Variants in EYS observed in about 807,000 individuals in gnomAD.
EYS encodes the protein EGF-like photoreceptor maintenance factor.
A neutral mutation model predicts 282.1 loss-of-function variants in EYS; 250 were observed. The ratio of observed to expected loss-of-function variants is 0.89; its 90% CI spans 0.80 to 0.98. The LOEUF is 0.98. Ranked by LOEUF, EYS falls within the 50% of genes least tolerant of loss-of-function variation. The probability of loss-of-function intolerance (pLI) is 0.00; values close to 1 mark genes in which losing one functional copy is unlikely to be tolerated. For missense variants in EYS, 4,016 were observed against 3,709.0 expected, an observed-to-expected ratio of 1.08 and a Z score of -2.15; for synonymous variants, 1,355 against 1,282.9, an observed-to-expected ratio of 1.06 and a Z score of -1.20.
intron 22 of EYS, among the ~76,000 whole-genome samples, chr6:64,706,339 G>T (rs1296198949): frequency 6.6e-6 from 1 of 152,024 alleles, no homozygotes; most frequent in African/African-American, 2.4e-5. Context: ...AGGACTTTAA[G>T]ATCTAACATT....
chr6:64,836,375 A>C (rs116379739), intron 19 of EYS, among the ~76,000 whole-genome samples: 2,478 of 151,410 alleles, frequency 0.016, 68 homozygotes, highest in African/African-American at 0.057. Context: ...TAATTTCAAA[A>C]TAATGGTTAT....
At chr6:65,512,426 T>C (rs1257157413) in intron 2 of EYS, among the ~76,000 whole-genome samples, 1 of 149,906 alleles carries the variant, frequency 6.7e-6, no homozygotes, top group Non-Finnish European at 1.5e-5. Flanking sequence ...GAGGCGGAGC[T>C]TGCAGTGAGC....
chr6:64,385,702 CTTA>C (rs755643317), intron 29 of EYS, among the ~76,000 whole-genome samples: 1 of 152,160 alleles, frequency 6.6e-6, no homozygotes, highest in Non-Finnish European at 1.5e-5. Flanking sequence ...ACCTCTCTGA[CTTA>C]TTAACAAGCT....
At chr6:65,686,731 T>C (rs1164252915) in intron 1 of EYS, among the ~76,000 whole-genome samples, 5 of 152,118 alleles carry the variant, frequency 3.3e-5, no homozygotes, top group Non-Finnish European at 5.9e-5. Context: ...TCTGAATTTT[T>C]TCCTAAAAGG....
intron 2 of EYS, among the ~76,000 whole-genome samples, chr6:65,607,268 C>A (rs1365613246): frequency 6.6e-6 from 1 of 151,720 alleles, no homozygotes; most frequent in Admixed American, 6.6e-5. Flanking sequence ...TGGCACTCTG[C>A]ACAAAATTGG....
At chr6:65,132,878 A>C (rs1379867859) in intron 12 of EYS, among the ~76,000 whole-genome samples, 1 of 152,044 alleles carries the variant, frequency 6.6e-6, no homozygotes, top group African/African-American at 2.4e-5. Flanking sequence ...AGGATAAAAA[A>C]ACCAACGTAC....
intron 2 of EYS, among the ~76,000 whole-genome samples, chr6:65,515,684 C>T (rs944568551): frequency 4.0e-5 from 6 of 150,280 alleles, no homozygotes; most frequent in Admixed American, 6.7e-5. Context: ...AGTAAACTAT[C>T]GCAAGGACAA....
chr6:65,423,396 T>C (rs1435336843), intron 5 of EYS, among the ~76,000 whole-genome samples: 1 of 151,962 alleles, frequency 6.6e-6, no homozygotes, highest in African/African-American at 2.4e-5. Context: ...GATGGGCAGA[T>C]GTTCTTCAGT....
intron 2 of EYS, among the ~76,000 whole-genome samples, chr6:65,550,496 A>T (rs1768576963): frequency 3.3e-4 from 1 of 3,064 alleles, no homozygotes; most frequent in African/African-American, 4.5e-3. Context: ...CCCTCCCCCG[A>T]CCCCACCACA....
At chr6:65,368,683 A>G (rs541928282) in intron 8 of EYS, among the ~76,000 whole-genome samples, 1 of 151,870 alleles carries the variant, frequency 6.6e-6, no homozygotes, top group East Asian at 1.9e-4. Context: ...ATATCATAGA[A>G]CTAGAAAAAC....
At chr6:65,094,499 T>C (rs1013807215) in intron 12 of EYS, among the ~76,000 whole-genome samples, 7 of 151,224 alleles carry the variant, frequency 4.6e-5, no homozygotes, top group African/African-American at 1.7e-4. Flanking sequence ...TTAGTAAATT[T>C]AAGAAGATTG....
chr6:63,953,284 C>A (rs1420685390), intron 35 of EYS, among the ~76,000 whole-genome samples: 1 of 152,166 alleles, frequency 6.6e-6, no homozygotes, highest in Non-Finnish European at 1.5e-5. Flanking sequence ...AAAGCCCTTT[C>A]TCATGATTTA....
At chr6:64,811,361 G>A (rs1277589890) in intron 22 of EYS, among the ~76,000 whole-genome samples, 1 of 151,680 alleles carries the variant, frequency 6.6e-6, no homozygotes, top group Admixed American at 6.6e-5. Context: ...CTTATCCCTG[G>A]GAAATATGCC....
chr6:65,333,914 A>T (rs1373674815), intron 11 of EYS, among the ~76,000 whole-genome samples: 1 of 150,930 alleles, frequency 6.6e-6, no homozygotes, highest in African/African-American at 2.4e-5. Flanking sequence ...TTTGAATGAT[A>T]TTTTTTTATT....
chr6:65,459,214 T>A (rs1347913294), intron 5 of EYS, among the ~76,000 whole-genome samples: 1 of 152,032 alleles, frequency 6.6e-6, no homozygotes, highest in African/African-American at 2.4e-5. Context: ...TGTAACAGTA[T>A]ATGAAAGAAT....
At chr6:64,661,943 T>C (rs1248545337) in intron 22 of EYS, among the ~76,000 whole-genome samples, 2 of 151,044 alleles carry the variant, frequency 1.3e-5, no homozygotes, top group Non-Finnish European at 1.5e-5. Flanking sequence ...CGTATGTTTA[T>C]TGCGGCACTA....
chr6:64,135,367 A>G (rs143599575), intron 31 of EYS, among the ~76,000 whole-genome samples: 1 of 152,252 alleles, frequency 6.6e-6, no homozygotes, highest in East Asian at 1.9e-4. Flanking sequence ...TTACAAGACA[A>G]TTGCACATAT....
intron 8 of EYS, among the ~76,000 whole-genome samples, chr6:65,355,717 A>G (rs1049181928): frequency 1.3e-5 from 2 of 152,134 alleles, no homozygotes; most frequent in Non-Finnish European, 2.9e-5. Context: ...GCCAGCCCAC[A>G]TATGGAAAAA....
intron 5 of EYS, among the ~76,000 whole-genome samples, chr6:65,460,336 A>G (rs1389413792): frequency 6.6e-6 from 1 of 151,922 alleles, no homozygotes; most frequent in African/African-American, 2.4e-5. Context: ...AAATGTTTGC[A>G]TTGTTAATAT....
Sources: gnomAD v4.1 joint callset for allele counts (sites outside exome capture counted in the v4.1 genomes callset) on GRCh38, gnomAD v4.1.1 for gene constraint, MANE v1.5 for transcripts, NCBI Gene and HGNC (gene_info 2026-07-23, HGNC 2026-07-21) for gene names.